Variants in SAMD4A observed in about 807,000 individuals in gnomAD.
SAMD4A encodes the protein protein Smaug homolog 1.
In SAMD4A, 33 loss-of-function variants were observed where a neutral mutation model predicts 81.3. That is an observed-to-expected ratio of 0.41 (90% confidence interval 0.31 to 0.54). The LOEUF (loss-of-function observed/expected upper bound fraction) is 0.54, where lower values mean the gene tolerates loss of function less well. SAMD4A is among the 20% of genes least tolerant of loss of function. SAMD4A has a pLI of 0.37. For missense variants in SAMD4A, 854 were observed against 951.1 expected, an observed-to-expected ratio of 0.90 and a Z score of 1.34; for synonymous variants, 389 against 382.1, an observed-to-expected ratio of 1.02 and a Z score of -0.21.
intron 2 of SAMD4A, among the ~76,000 whole-genome samples, chr14:54,607,250 C>T (rs1289352153): frequency 3.0e-5 from 2 of 66,442 alleles, no homozygotes; most frequent in African/African-American, 7.6e-5. Context: ...GAATGAAGTT[C>T]CTCATGTGAG....
chr14:54,782,176 C>T (rs886802912), intron 11 of SAMD4A, among the ~76,000 whole-genome samples: 8 of 152,166 alleles, frequency 5.3e-5, no homozygotes, highest in Admixed American at 5.2e-4. Context: ...CATTTTGCTG[C>T]GTGTTGGCAA....
chr14:54,775,485 C>A (rs1822901291), intron 10 of SAMD4A, among the ~76,000 whole-genome samples: 1 of 152,176 alleles, frequency 6.6e-6, no homozygotes, highest in Non-Finnish European at 1.5e-5. Context: ...GTTTCTTGCC[C>A]TTTTTATCCA....
At chr14:54,745,348 C>T (rs2037941214) in intron 4 of SAMD4A, among the ~76,000 whole-genome samples, 1 of 152,224 alleles carries the variant, frequency 6.6e-6, no homozygotes, top group Non-Finnish European at 1.5e-5. Context: ...TGTGTCTGCT[C>T]TACCCTGAAT....
At chr14:54,769,980 G>A in intron 8 of SAMD4A, 124 bp from the exon 9 acceptor site, 1 of 681,228 alleles carries the variant, frequency 1.5e-6, no homozygotes, top group South Asian at 1.8e-5. Flanking sequence ...GTTTGGACCA[G>A]GTTAGAAACA....
At chr14:54,635,831 G>A (rs2035022711) in intron 2 of SAMD4A, among the ~76,000 whole-genome samples, 2 of 152,062 alleles carry the variant, frequency 1.3e-5, no homozygotes, top group Non-Finnish European at 1.5e-5. Flanking sequence ...TGAAATTTCA[G>A]TGATCCTATT....
rs79488767 is a variant in SAMD4A at position 54,784,037 on chromosome 14, A to G, written c.2045-500A>G. 3.5e-3 allele frequency among the ~76,000 whole-genome samples: 534 copies of G among 152,352 alleles called. 4 individuals carry two copies. Among genetic ancestry groups the G allele is most frequent in the African/African-American group, 0.012 (511 of 41,580 alleles). On this transcript the variant is annotated intron_variant, in intron 11 of 12. Transcript: ENST00000554335. The stretch of plus-strand genomic sequence containing the variant: ...ATAGTGTGGGGGCATGGCTCATACA[A>G]GGAACAAAGTCCTTTCCAAGGAGAT...
intron 3 of SAMD4A, among the ~76,000 whole-genome samples, chr14:54,713,483 G>C (rs2037042163): frequency 1.3e-5 from 2 of 152,140 alleles, no homozygotes; most frequent in African/African-American, 4.8e-5. Context: ...AAGGATTTTT[G>C]TGGGTTGGAG....
chr14:54,673,537 G>T (rs1160450777), intron 2 of SAMD4A, among the ~76,000 whole-genome samples: 1 of 152,228 alleles, frequency 6.6e-6, no homozygotes, highest in Non-Finnish European at 1.5e-5. Flanking sequence ...AATTTGGACT[G>T]GTTTCATTTA....
chr14:54,659,097 T>G (rs182203461), intron 2 of SAMD4A, among the ~76,000 whole-genome samples: 63 of 152,382 alleles, frequency 4.1e-4, no homozygotes, highest in African/African-American at 1.3e-3. Context: ...AATCCAGTAC[T>G]ATATCCTGTT....
intron 2 of SAMD4A, among the ~76,000 whole-genome samples, chr14:54,624,269 G>A (rs1594747124): frequency 6.6e-6 from 1 of 152,218 alleles, no homozygotes; most frequent in Non-Finnish European, 1.5e-5. Context: ...CACCGCGCCC[G>A]GCCCACTCTT....
chr14:54,740,831 G>T (rs2037827204), intron 4 of SAMD4A, among the ~76,000 whole-genome samples: 1 of 152,140 alleles, frequency 6.6e-6, no homozygotes, highest in South Asian at 2.1e-4. Flanking sequence ...CAGTGCTTTG[G>T]TTTTCCTTCT....
intron 2 of SAMD4A, among the ~76,000 whole-genome samples, chr14:54,583,237 G>T (rs188176404): frequency 6.6e-6 from 1 of 152,310 alleles, no homozygotes; most frequent in Admixed American, 6.5e-5. Flanking sequence ...GGTTGCCAAA[G>T]AAATTACAGG....
intron 2 of SAMD4A, chr14:54,685,611 A>G: frequency 2.3e-6 from 1 of 433,364 alleles, no homozygotes; most frequent in Non-Finnish European, 4.7e-6. Context: ...TGGTTTCAGA[A>G]AAACTGATCT....
At chr14:54,690,540 G>A (rs1020631396) in intron 2 of SAMD4A, among the ~76,000 whole-genome samples, 2 of 151,958 alleles carry the variant, frequency 1.3e-5, no homozygotes, top group African/African-American at 4.8e-5. Context: ...TAGAAATGGA[G>A]CCCTTCTCCA....
At chr14:54,776,092 T>G (rs1401356744) in intron 10 of SAMD4A, among the ~76,000 whole-genome samples, 1 of 143,160 alleles carries the variant, frequency 7.0e-6, no homozygotes, top group Non-Finnish European at 1.5e-5. Context: ...TTTATAGAAC[T>G]CCCCCATTTC....
At chr14:54,754,376 CTGACTTCT>C (rs2038186287) in intron 6 of SAMD4A, among the ~76,000 whole-genome samples, 2 of 152,208 alleles carry the variant, frequency 1.3e-5, no homozygotes, top group Non-Finnish European at 2.9e-5. Context: ...TTTATCGAGT[CTGACTTCT>C]TTGAGAGAGA....
chr14:54,741,339 A>AT (rs1566614108), intron 4 of SAMD4A, among the ~76,000 whole-genome samples: 11 of 152,250 alleles, frequency 7.2e-5, no homozygotes. Flanking sequence ...TCCCACTTAC[A>AT]TTAGCACCAT....
At chr14:54,646,102 A>G (rs1316421285) in intron 2 of SAMD4A, among the ~76,000 whole-genome samples, 1 of 152,236 alleles carries the variant, frequency 6.6e-6, no homozygotes, top group Non-Finnish European at 1.5e-5. Flanking sequence ...GTGATCGACA[A>G]AATGAATAAT....
At chr14:54,691,343 C>T (rs2036431898) in intron 2 of SAMD4A, among the ~76,000 whole-genome samples, 1 of 152,084 alleles carries the variant, frequency 6.6e-6, no homozygotes, top group South Asian at 2.1e-4. Context: ...GCCAAGGGCC[C>T]TCATCTGATC....
Sources: allele counts gnomAD v4.1 joint callset (sites outside exome capture counted in the v4.1 genomes callset), GRCh38; gene constraint gnomAD v4.1.1; transcripts MANE v1.5; gene names NCBI Gene and HGNC (gene_info 2026-07-23, HGNC 2026-07-21).